Variants in PGS1 observed in about 807,000 individuals in gnomAD.
PGS1 encodes phosphatidylglycerophosphate synthase 1, also known as CDP-diacylglycerol--glycerol-3-phosphate 3-phosphatidyltransferase, mitochondrial.
In PGS1, 44 loss-of-function variants were observed where a neutral mutation model predicts 58.3. The ratio of observed to expected loss-of-function variants is 0.75; its 90% CI spans 0.59 to 0.97. PGS1 has a LOEUF of 0.97. PGS1 is among the 50% of genes least tolerant of loss of function. The pLI is 0.00. For missense variants in PGS1, 684 were observed against 731.1 expected, an observed-to-expected ratio of 0.94 and a Z score of 0.74; for synonymous variants, 330 against 311.0, an observed-to-expected ratio of 1.06 and a Z score of -0.64.
rs183363949 is a variant in PGS1, at chr17:78,413,913, C to T, written c.1403-966C>T. 1.4e-3 allele frequency among the ~76,000 whole-genome samples: 217 copies of T among 152,354 alleles called. 3 individuals carry two copies. The highest frequency in any genetic ancestry group is 5.1e-3 in the African/African-American group (210 of 41,584). On this transcript the variant is annotated intron_variant, in intron 7 of 9. Coordinates refer to ENST00000262764, the MANE Select transcript of PGS1 (RefSeq NM_024419.5). ...ACAGAAATGGCCTCGTAGTGTGGCC[C>T]CCCCTGCCACACAGTGGCACCCCGT...
intron 1 of PGS1, among the ~76,000 whole-genome samples, chr17:78,379,544 G>A (rs1216921554): frequency 6.6e-6 from 1 of 152,114 alleles, no homozygotes; most frequent in African/African-American, 2.4e-5. Flanking sequence ...AATAATTCTT[G>A]GCCGGGTGTG....
chr17:78,398,157 T>C (rs983979779), intron 3 of PGS1, 95 bp from the exon 4 acceptor site: 4 of 872,842 alleles, frequency 4.6e-6, no homozygotes, highest in Non-Finnish European at 7.8e-6. Flanking sequence ...TTGGAGAAGA[T>C]GACGAGGGCA....
chr17:78,395,773 C>G (rs1202914597), intron 2 of PGS1, among the ~76,000 whole-genome samples: 2 of 152,202 alleles, frequency 1.3e-5, no homozygotes, highest in East Asian at 3.8e-4. Flanking sequence ...GAATCTTGCT[C>G]TGTTGCCCAG....
chr17:78,416,731 A>G (rs1255522029), intron 8 of PGS1, among the ~76,000 whole-genome samples: 1 of 152,162 alleles, frequency 6.6e-6, no homozygotes, highest in African/African-American at 2.4e-5. Flanking sequence ...TCCATTCTTT[A>G]GGGATAGACT....
intron 3 of PGS1, among the ~76,000 whole-genome samples, chr17:78,397,832 C>T (rs1228609669): frequency 6.6e-6 from 1 of 152,234 alleles, no homozygotes; most frequent in Non-Finnish European, 1.5e-5. Context: ...CGGAGAGTGG[C>T]CAGTGGGCAG....
At chr17:78,394,569 T>C (rs1383059625) in intron 2 of PGS1, among the ~76,000 whole-genome samples, 1 of 152,122 alleles carries the variant, frequency 6.6e-6, no homozygotes, top group Non-Finnish European at 1.5e-5. Context: ...TTTCTTTTTT[T>C]TTTAAGACGG....
chr17:78,412,168 G>A (rs2084770499), intron 7 of PGS1, among the ~76,000 whole-genome samples: 1 of 152,124 alleles, frequency 6.6e-6, no homozygotes, highest in South Asian at 2.1e-4. Context: ...TCTCACAGCA[G>A]CACCCCGTGG....
At chr17:78,404,328 C>G (rs1314148569) in intron 7 of PGS1, among the ~76,000 whole-genome samples, 1 of 144,000 alleles carries the variant, frequency 6.9e-6, no homozygotes, top group Admixed American at 7.2e-5. Context: ...GTTTCCCAGG[C>G]TGGACTGCAG....
Position 78,400,107 on chromosome 17 carries a change from C to T in PGS1, c.701+570C>T, listed in dbSNP as rs12451056. 25,854 of 182,514 alleles carry T rather than the reference C, an allele frequency of 0.14. 1,965 individuals carry two copies. Among genetic ancestry groups the T allele is most frequent in the East Asian group, 0.26 (1,503 of 5,738 alleles). 11.3% of individuals were successfully genotyped at this position (182,514 alleles called of 1,614,324 possible). The stretch of plus-strand genomic sequence containing the variant: ...CGCTGATAAATAGCCCTGCATGGGC[C>T]GGGCGCAGTGGCTCACGCCTGTAAT... On this transcript the variant is annotated intron_variant, in intron 5 of 9. Coordinates refer to ENST00000262764, the MANE Select transcript of PGS1 (RefSeq NM_024419.5). This position sits in a 1 kb window ranked among gnomAD's most constrained non-coding sequence, Gnocchi z 4.4.
chr17:78,411,013 G>A (rs936623157), intron 7 of PGS1, among the ~76,000 whole-genome samples: 62 of 152,294 alleles, frequency 4.1e-4, no homozygotes, highest in Middle Eastern at 3.4e-3. Flanking sequence ...AACGAGCTAC[G>A]AAGAGCAGAG....
chr17:78,413,752 T>C (rs756696958), intron 7 of PGS1, among the ~76,000 whole-genome samples: 10 of 152,116 alleles, frequency 6.6e-5, no homozygotes, highest in Admixed American at 2.6e-4. Context: ...GTAACAGTCT[T>C]TTTAGAAGTA....
At chr17:78,385,655 C>T (rs1401586709) in intron 1 of PGS1, among the ~76,000 whole-genome samples, 1 of 152,316 alleles carries the variant, frequency 6.6e-6, no homozygotes, top group East Asian at 1.9e-4. Context: ...GAACTCCTGA[C>T]CTCATCATCT....
intron 1 of PGS1, among the ~76,000 whole-genome samples, chr17:78,387,961 C>T (rs949586868): frequency 2.0e-5 from 3 of 152,122 alleles, no homozygotes; most frequent in South Asian, 4.1e-4. Context: ...GTCATTGTGG[C>T]GACCTGTGTA....
In PGS1 at chr17:78,408,952, G is replaced by C. The variant is rs148243749; in HGVS notation, c.1402+4863G>C. On this transcript the variant is annotated intron_variant, in intron 7 of 9. Coordinates refer to ENST00000262764, the MANE Select transcript of PGS1 (RefSeq NM_024419.5). Reference sequence around the variant, plus strand: ...TTCCTTCCCAAGCCTGGTCCTGATCGGGGGTGGGGTACAGGCAGGAGCAGC... The same window carrying C: ...TTCCTTCCCAAGCCTGGTCCTGATCCGGGGTGGGGTACAGGCAGGAGCAGC... Among the ~76,000 whole-genome samples, 78 of 152,326 alleles carry C rather than the reference G, an allele frequency of 5.1e-4. No homozygotes were observed. The East Asian group carries it at 0.012, about 24-fold the overall frequency.
At chr17:78,412,480 G>A (rs2084800399) in intron 7 of PGS1, among the ~76,000 whole-genome samples, 1 of 152,236 alleles carries the variant, frequency 6.6e-6, no homozygotes. Flanking sequence ...GCAATAGATG[G>A]AGAAGCGGTT....
chr17:78,419,072 GCA>G (rs2085460117), intron 8 of PGS1, among the ~76,000 whole-genome samples: 2 of 151,728 alleles, frequency 1.3e-5, no homozygotes, highest in South Asian at 4.1e-4. Flanking sequence ...TGCAGTGGCA[GCA>G]TCACAGCTCA....
intron 1 of PGS1, among the ~76,000 whole-genome samples, chr17:78,390,517 G>A (rs141501316): frequency 8.3e-4 from 127 of 152,302 alleles, no homozygotes; most frequent in South Asian, 1.7e-3. Context: ...GGACATTTAC[G>A]AAGCCTGGGA....
At chr17:78,422,035 T>C (rs2085841776) in intron 9 of PGS1, 1 of 152,224 alleles carries the variant, frequency 6.6e-6, no homozygotes, top group African/African-American at 2.4e-5. Flanking sequence ...TAGAGATAAT[T>C]TTGTCAACTA....
chr17:78,417,340 G>A (rs957134406), intron 8 of PGS1, among the ~76,000 whole-genome samples: 3 of 152,178 alleles, frequency 2.0e-5, no homozygotes, highest in Non-Finnish European at 2.9e-5. Context: ...CATCAGGCAC[G>A]TCCAGCCAGG....
Sources: gnomAD v4.1 joint callset for allele counts (sites outside exome capture counted in the v4.1 genomes callset) on GRCh38, gnomAD v4.1.1 for gene constraint, Gnocchi (gnomAD v3.1) non-coding constraint, MANE v1.5 for transcripts, NCBI Gene and HGNC (gene_info 2026-07-23, HGNC 2026-07-21) for gene names.